SPTAN1: variants seen among roughly 807,000 people sequenced by gnomAD.
The protein encoded by SPTAN1 is spectrin alpha chain, non-erythrocytic 1.
A neutral mutation model predicts 331.3 loss-of-function variants in SPTAN1; 61 were observed. That is an observed-to-expected ratio of 0.18 (90% confidence interval 0.15 to 0.23). The LOEUF is 0.23. SPTAN1 is among the 10% of genes least tolerant of loss of function. SPTAN1 has a pLI of 1.00. For synonymous variants in SPTAN1, 1,153 were observed against 1,173.9 expected (o/e 0.98, Z 0.36); for missense variants, 2,043 against 3,147.9 (o/e 0.65, Z 8.40).
chr9:128,632,328 C>G lies in SPTAN1; in HGVS notation c.6959+5C>G, dbSNP rs1057523269. On this transcript the variant is annotated splice_donor_5th_base_variant and intron_variant, in intron 53 of 56. Transcript: ENST00000372739. Reference sequence around the variant, plus strand: ...GGAGCAGCAGATCCAGGCCAGGTACCCGGGAGGGCTGTGGGCCAGGCTCAG... The same window carrying G: ...GGAGCAGCAGATCCAGGCCAGGTACGCGGGAGGGCTGTGGGCCAGGCTCAG... 6 of 1,613,424 alleles carry G rather than the reference C, an allele frequency of 3.7e-6. No individual in the cohort carries two copies. Among genetic ancestry groups the G allele is most frequent in the Non-Finnish European group, 5.1e-6 (6 of 1,179,932 alleles).
chr9:128,621,318 C>T, intron 45 of SPTAN1, 62 bp downstream of exon 45: 2 of 1,437,614 alleles, frequency 1.4e-6, no homozygotes, highest in African/African-American at 1.4e-5. Flanking sequence ...GTTGGTACCA[C>T]AGAGGTCCCC....
chr9:128,617,478 C>G (rs1161482031), intron 41 of SPTAN1, among the ~76,000 whole-genome samples, 162 bp from the exon 42 acceptor site: 4 of 152,096 alleles, frequency 2.6e-5, no homozygotes, highest in African/African-American at 7.2e-5. Flanking sequence ...TTCTTGGTCC[C>G]TACTCATTTG....
intron 21 of SPTAN1, among the ~76,000 whole-genome samples, chr9:128,590,944 G>T (rs1853412726): frequency 1.3e-5 from 2 of 152,262 alleles, no homozygotes; most frequent in Non-Finnish European, 2.9e-5. Context: ...TAAGCAGAGA[G>T]AAGGCCAGCC....
rs760419507 is a variant in SPTAN1 at position 128,575,335 on chromosome 9, A to G, written c.641A>G (p.Lys214Arg). 34 of 1,612,052 alleles carry G rather than the reference A, an allele frequency of 2.1e-5. No individual in the cohort carries two copies. The highest frequency in any genetic ancestry group is 2.5e-5 in the Non-Finnish European group (30 of 1,180,024). ...RVNEVNQFAA[K>R]LIQEQHPEEE... ...AATGAAGTGAACCAGTTTGCTGCCA[A>G]ACTCATACAGGTAAATAGCAAAGTG... is the stretch of plus-strand genomic sequence containing the variant. Residue 214 changes from lysine to arginine, a missense_variant, in exon 5 of 57, where the codon AAA becomes AGA. By Grantham distance (26) the Lys-to-Arg change is conservative. This residue lies in a region of SPTAN1 where 1,038 missense variants were observed against 1,531.5 expected (regional missense o/e 0.68). Coordinates refer to ENST00000372739, the MANE Select transcript of SPTAN1 (RefSeq NM_001130438.3).
chr9:128,609,300 TG>T lies in SPTAN1; in HGVS notation c.4758+19del. 6.2e-7 allele frequency: 1 copy of T among 1,614,240 alleles called. No homozygotes were observed. Among genetic ancestry groups the T allele is most frequent in the Non-Finnish European group, 8.5e-7 (1 of 1,180,042 alleles). ...CAACATCCAGGTAAGCTGAAGTGAC[TG>T]GGTGTTGGTCTTGATGTAGCCTTAT... On this transcript the variant is annotated intron_variant, in intron 36 of 56. Transcript: ENST00000372739.
At chr9:128,589,313 G>T in intron 21 of SPTAN1, among the ~76,000 whole-genome samples, 1 of 126,732 alleles carries the variant, frequency 7.9e-6, no homozygotes. Flanking sequence ...TTTTGAGACA[G>T]AGTCTCGCTC....
Position 128,629,554 on chromosome 9 carries a change from C to G in SPTAN1, c.6708-767C>G, listed in dbSNP as rs572487840. 13 of 205,022 alleles carry G rather than the reference C, an allele frequency of 6.3e-5. No individual in the cohort carries two copies. The highest frequency in any genetic ancestry group is 9.8e-5 in the Non-Finnish European group (10 of 102,494). The allele number at this position is 205,022 out of a possible 1,614,324, so 12.7% of individuals were successfully genotyped here. ...GGGCTAAAACCCCACCAAGGCCACACGCACCGTGTGATTCGTCCCTGCACG... is the reference window on the plus strand; with the variant it reads ...GGGCTAAAACCCCACCAAGGCCACAGGCACCGTGTGATTCGTCCCTGCACG... On this transcript the variant is annotated intron_variant, in intron 51 of 56. Transcript: ENST00000372739. The surrounding 1 kb of genome is among the most constrained non-coding windows in gnomAD (Gnocchi z 4.9).
intron 1 of SPTAN1, among the ~76,000 whole-genome samples, chr9:128,561,703 GTCAACTCTAA>G (rs1366959743): frequency 1.8e-5 from 2 of 108,480 alleles, no homozygotes; most frequent in East Asian, 6.1e-4. Context: ...ATGTCAATAT[GTCAACTCTAA>G]TCATGTTAAG....
Position 128,580,876 on chromosome 9 carries a change from T to C in SPTAN1, c.1324-46T>C, listed in dbSNP as rs372937374. The C allele has an allele frequency of 3.1e-5, 50 of 1,611,266 alleles. No homozygotes were observed. The African/African-American group carries it at 4.3e-4, about 14-fold the overall frequency. On this transcript the variant is annotated intron_variant, in intron 10 of 56. Transcript: ENST00000372739. ...AGCTGTTCTGTCTGCCTCGGAGGCA[T>C]TGGGGCTGACCTCATCTCCCTGACC...
At chr9:128,628,827 C>A (rs1016433021) in intron 51 of SPTAN1, 4 of 305,460 alleles carry the variant, frequency 1.3e-5, no homozygotes, top group Non-Finnish European at 2.4e-5. Context: ...CCGTAGGACA[C>A]CCTGGCCACC....
At position 128,630,833 on chromosome 9, in the gene SPTAN1, T is replaced by C. The variant is rs576905399; in HGVS notation, c.6762+458T>C. Among the ~76,000 whole-genome samples the C allele has an allele frequency of 2.0e-5, 3 of 152,236 alleles. No individual in the cohort carries two copies. The South Asian group carries it at 6.2e-4, about 32-fold the overall frequency. On this transcript the variant is annotated intron_variant, in intron 52 of 56. Transcript: ENST00000372739. ...GATCCTCCTGCCTCAACCTCCCAAG[T>C]AGCTGGGATTACAGGCGCCCACCAC... is the stretch of plus-strand genomic sequence containing the variant.
Position 128,582,831 on chromosome 9 carries a change from C to T in SPTAN1, c.1788C>T (p.Ala596=), listed in dbSNP as rs1165118506. 1.9e-6 allele frequency: 3 copies of T among 1,613,102 alleles called. No individual in the cohort carries two copies. In the East Asian group the frequency reaches 6.7e-5, roughly 36 times the overall value. ...GGGTCAATGAGAAGATGAAAACTGC[C>T]ACAGATGAAGCTTATAAAGTAATGT... ...KSWVNEKMKT[A]TDEAYKDPSN... The change falls in exon 14 of 57, where the codon GCC becomes GCT. Residue 596 remains alanine (A), a synonymous_variant. Transcript: ENST00000372739.
chr9:128,592,277 CTTT>C (rs66475636), intron 22 of SPTAN1, among the ~76,000 whole-genome samples: 32 of 138,870 alleles, frequency 2.3e-4, no homozygotes, highest in Non-Finnish European at 3.0e-4. Context: ...GGTTTGTGTT[CTTT>C]TTTTTTTTTT....
chr9:128,598,417 G>A lies in SPTAN1; in HGVS notation c.3432G>A (p.Glu1144=), dbSNP rs1469994676. Residue 1144 remains glutamate, a synonymous_variant, in exon 25 of 57, where the codon GAG becomes GAA. Transcript: ENST00000372739. ...CTTTAAAGGACCTGAAGGCCAATGAGTCACGGTTGAAGGACATTAACAAGG... is the reference window on the plus strand; with the variant it reads ...CTTTAAAGGACCTGAAGGCCAATGAATCACGGTTGAAGGACATTAACAAGG... ...DDFQKDLKAN[E]SRLKDINKVA... is the part of the protein sequence containing the mutation. 6.2e-7 allele frequency: 1 copy of A among 1,613,198 alleles called. No homozygotes were observed. Among genetic ancestry groups the A allele is most frequent in the Non-Finnish European group, 8.5e-7 (1 of 1,179,838 alleles).
chr9:128,584,426 C>T lies in SPTAN1; in HGVS notation c.2338C>T (p.Leu780=). ...KEPMVARKQK[L]ADSLRLQQLF... Reference sequence around the variant, plus strand: ...GCCCATGGTTGCCCGGAAGCAGAAGCTGGCCGATTCTCTGCGGTTGCAGCA... The same window carrying T: ...GCCCATGGTTGCCCGGAAGCAGAAGTTGGCCGATTCTCTGCGGTTGCAGCA... Residue 780 remains leucine, a synonymous_variant, in exon 17 of 57, where the codon CTG becomes TTG. Transcript: ENST00000372739. The T allele has an allele frequency of 6.2e-7, 1 of 1,614,172 alleles. No homozygotes were observed. The highest frequency in any genetic ancestry group is 8.5e-7 in the Non-Finnish European group (1 of 1,180,028).
At chr9:128,567,259 A>C (rs1850140917) in intron 2 of SPTAN1, among the ~76,000 whole-genome samples, 1 of 152,082 alleles carries the variant, frequency 6.6e-6, no homozygotes, top group Non-Finnish European at 1.5e-5. Context: ...TTCTGGGTTA[A>C]TCTCTTGGAA....
chr9:128,568,985 A>AAG, intron 3 of SPTAN1, 88 bp downstream of exon 3: 1 of 1,573,642 alleles, frequency 6.4e-7, no homozygotes, highest in South Asian at 1.1e-5. Flanking sequence ...GGTTCCCAAA[A>AAG]AGATAGACTT....
chr9:128,591,339 T>G, intron 21 of SPTAN1, 138 bp from the exon 22 acceptor site: 1 of 1,058,168 alleles, frequency 9.5e-7, no homozygotes, highest in East Asian at 2.5e-5. Flanking sequence ...GTGCTGGGAT[T>G]ATAGGTGTGA....
Position 128,583,808 on chromosome 9 carries a change from A to C in SPTAN1, c.2032A>C (p.Asn678His). The C allele has an allele frequency of 6.2e-7, 1 of 1,614,242 alleles. No homozygotes were observed. The highest frequency in any genetic ancestry group is 8.5e-7 in the Non-Finnish European group (1 of 1,180,044). ...CATAGGAATAAAGCTTCGTGAAGCC[A>C]ACCAGCAACAGCAATTTAATCGCAA... ...ELKGIKLREANQQQQFNRNVE... is the reference protein window; with the variant it reads ...ELKGIKLREAHQQQQFNRNVE... The change falls in exon 16 of 57, where the codon AAC becomes CAC. Residue 678 changes from asparagine (N) to histidine (H), a missense_variant. This residue lies in a region of SPTAN1 where 1,038 missense variants were observed against 1,531.5 expected (regional missense o/e 0.68). Coordinates refer to ENST00000372739, the MANE Select transcript of SPTAN1 (RefSeq NM_001130438.3).
Sources: gnomAD v4.1 joint callset for allele counts (sites outside exome capture counted in the v4.1 genomes callset) on GRCh38, gnomAD v4.1.1 for gene constraint, gnomAD v4.1.1 regional missense constraint, Gnocchi (gnomAD v3.1) non-coding constraint, MANE v1.5 for transcripts, NCBI Gene and HGNC (gene_info 2026-07-23, HGNC 2026-07-21) for gene names.